The following SMG7 variants were observed in gnomAD, a reference collection of about 807,000 sequenced individuals.
The protein encoded by SMG7 is nonsense-mediated mRNA decay factor SMG7.
SMG7 carries 34 observed loss-of-function variants against 148.2 expected under a neutral mutation model. That is an observed-to-expected ratio of 0.23 (90% CI 0.17 to 0.31). The LOEUF is 0.31. Ranked by LOEUF, SMG7 falls within the 10% of genes least tolerant of loss-of-function variation. The probability of loss-of-function intolerance (pLI) is 1.00; values close to 1 mark genes in which losing one functional copy is unlikely to be tolerated. For missense variants in SMG7, 1,114 were observed against 1,408.4 expected (o/e 0.79, Z 3.35); for synonymous variants, 492 against 515.1 (o/e 0.96, Z 0.61).
At chr1:183,510,700 A>C (rs1326558579) in intron 1 of SMG7, among the ~76,000 whole-genome samples, 1 of 152,072 alleles carries the variant, frequency 6.6e-6, no homozygotes, top group East Asian at 1.9e-4. Context: ...GTTGGTGCAA[A>C]AGTAATCATG....
At chr1:183,497,810 C>G (rs927578318) in intron 1 of SMG7, among the ~76,000 whole-genome samples, 1 of 152,066 alleles carries the variant, frequency 6.6e-6, no homozygotes, top group East Asian at 1.9e-4. Context: ...ACCTCATGAT[C>G]CCACCTGCCT....
At chr1:183,508,380 A>G (rs1285625094) in intron 1 of SMG7, among the ~76,000 whole-genome samples, 1 of 152,016 alleles carries the variant, frequency 6.6e-6, no homozygotes, top group East Asian at 1.9e-4. Flanking sequence ...TTTTGTAGAG[A>G]TGAAGTCTTC....
At chr1:183,498,387 T>C (rs1382069344) in intron 1 of SMG7, among the ~76,000 whole-genome samples, 2 of 152,090 alleles carry the variant, frequency 1.3e-5, no homozygotes, top group Non-Finnish European at 2.9e-5. Context: ...AAATTAGCCA[T>C]CTGTGGTGGC....
intron 8 of SMG7, among the ~76,000 whole-genome samples, chr1:183,530,028 T>A (rs184261169): frequency 6.5e-4 from 99 of 152,260 alleles, no homozygotes; most frequent in African/African-American, 2.3e-3. Context: ...TATTTATATA[T>A]GTGAAAATGA....
intron 1 of SMG7, among the ~76,000 whole-genome samples, chr1:183,497,731 G>A (rs1224856009): frequency 6.6e-6 from 1 of 151,832 alleles, no homozygotes; most frequent in African/African-American, 2.4e-5. Context: ...CACCGTGCCC[G>A]GCTAATTTTT....
At chr1:183,485,359 C>T (rs766501479) in intron 1 of SMG7, among the ~76,000 whole-genome samples, 2 of 152,110 alleles carry the variant, frequency 1.3e-5, no homozygotes, top group Non-Finnish European at 2.9e-5. Flanking sequence ...CTTCCTAATG[C>T]ACTTTTTCTT....
Position 183,545,242 on chromosome 1 carries a change from A to G in SMG7, c.2300A>G (p.Gln767Arg). The G allele has an allele frequency of 1.2e-6, 2 of 1,614,034 alleles. No homozygotes were observed. The highest frequency in any genetic ancestry group is 1.7e-6 in the Non-Finnish European group (2 of 1,180,016). ...CTGCAGGTTCAAGCTCTAACTCAGC[A>G]ACAACAATCCCCTACAAAAGCTGTG... is the stretch of plus-strand genomic sequence containing the variant. ...SQLQVQALTQ[Q>R]QQSPTKAVPA... The change falls in exon 16 of 23, where the codon CAA becomes CGA. Residue 767 changes from glutamine (Q) to arginine (R), a missense_variant. By Grantham distance (43) the Gln-to-Arg change is conservative. Coordinates refer to ENST00000688051, the MANE Select transcript of SMG7 (RefSeq NM_001375584.1).
rs376824632 is a variant in SMG7 at position 183,527,536 on chromosome 1, C to T, written c.485-420C>T. 2.2e-6 allele frequency: 1 copy of T among 447,266 alleles called. No individual in the cohort carries two copies. Among genetic ancestry groups the T allele is most frequent in the East Asian group, 7.1e-5 (1 of 14,076 alleles). 27.7% of individuals were successfully genotyped at this position (447,266 alleles called of 1,614,324 possible). Reference sequence around the variant, plus strand: ...ATTTAATATTGCAATAGGAATGAGACATTTTTCAAAATCACTTTATAAAAT... The same window carrying T: ...ATTTAATATTGCAATAGGAATGAGATATTTTTCAAAATCACTTTATAAAAT... On this transcript the variant is annotated intron_variant, in intron 5 of 22. Transcript: ENST00000688051. The surrounding 1 kb of genome is among the most constrained non-coding windows in gnomAD (Gnocchi z 4.0).
chr1:183,507,851 A>G (rs939057993), intron 1 of SMG7, among the ~76,000 whole-genome samples: 3 of 152,176 alleles, frequency 2.0e-5, no homozygotes, highest in Non-Finnish European at 4.4e-5. Flanking sequence ...TGAATGTTCC[A>G]TATTTTATTC....
At chr1:183,545,474 A>G (rs548378329) in intron 16 of SMG7, among the ~76,000 whole-genome samples, 162 bp downstream of exon 16, 2 of 152,332 alleles carry the variant, frequency 1.3e-5, no homozygotes, top group African/African-American at 4.8e-5. Flanking sequence ...TGAAAGTTCA[A>G]ATGTTTTCCT....
rs147585454 is a variant in SMG7 at position 183,493,814 on chromosome 1, A to G, written c.30-19023A>G. Among the ~76,000 whole-genome samples, 9 of 152,294 alleles carry G rather than the reference A, an allele frequency of 5.9e-5. 1 individual carries two copies. Among genetic ancestry groups the G allele is most frequent in the African/African-American group, 2.2e-4 (9 of 41,564 alleles). ...AGGCTGTTCTCGAATGCCTGACCTC[A>G]GGTGATCTGCCCGCCCTGGCCTCCC... On this transcript the variant is annotated intron_variant, in intron 1 of 22. Transcript: ENST00000688051.
At chr1:183,493,670 C>T (rs1034916530) in intron 1 of SMG7, among the ~76,000 whole-genome samples, 4 of 152,096 alleles carry the variant, frequency 2.6e-5, no homozygotes, top group African/African-American at 7.2e-5. Flanking sequence ...CAACCTCTGC[C>T]GCCCATGTTC....
At chr1:183,497,384 A>C (rs1658742808) in intron 1 of SMG7, among the ~76,000 whole-genome samples, 1 of 152,164 alleles carries the variant, frequency 6.6e-6, no homozygotes, top group Admixed American at 6.5e-5. Flanking sequence ...GTGCTTACAA[A>C]GTCTCAGTGT....
At chr1:183,494,656 A>G (rs1006955935) in intron 1 of SMG7, among the ~76,000 whole-genome samples, 3 of 150,838 alleles carry the variant, frequency 2.0e-5, no homozygotes, top group African/African-American at 7.3e-5. Context: ...TGCTGGGTAT[A>G]AAATTATAGA....
At chr1:183,540,029 G>A (rs1393464875) in intron 12 of SMG7, among the ~76,000 whole-genome samples, 2 of 152,074 alleles carry the variant, frequency 1.3e-5, no homozygotes, top group Non-Finnish European at 2.9e-5. Flanking sequence ...GCTCCTAGTT[G>A]TTCAGCCTTA....
chr1:183,498,166 C>T (rs1476954862), intron 1 of SMG7, among the ~76,000 whole-genome samples: 2 of 152,134 alleles, frequency 1.3e-5, no homozygotes, highest in African/African-American at 2.4e-5. Context: ...ATGTTATCTA[C>T]CTGTTCCAAG....
At position 183,539,512 on chromosome 1, in the gene SMG7, A is replaced by T. The variant is rs147791902; in HGVS notation, c.1295+1072A>T. Among the ~76,000 whole-genome samples, 536 of 152,252 alleles carry T rather than the reference A, an allele frequency of 3.5e-3. 3 individuals carry two copies. Among genetic ancestry groups the T allele is most frequent in the African/African-American group, 0.011 (467 of 41,534 alleles). The stretch of plus-strand genomic sequence containing the variant: ...TCCATCCCTATGTCTCTTGAATGGT[A>T]TGTCCCAAATTTTCAGCTTTGACTT... On this transcript the variant is annotated intron_variant, in intron 12 of 22. Transcript: ENST00000688051.
chr1:183,484,307 A>G (rs979888008), intron 1 of SMG7, among the ~76,000 whole-genome samples: 13 of 151,068 alleles, frequency 8.6e-5, no homozygotes, highest in Admixed American at 2.0e-4. Context: ...TTGTTACACT[A>G]TATTGCTTTT....
At chr1:183,535,545 C>A (rs1667605537) in intron 10 of SMG7, among the ~76,000 whole-genome samples, 1 of 152,062 alleles carries the variant, frequency 6.6e-6, no homozygotes, top group Admixed American at 6.6e-5. Flanking sequence ...TTATAATGTT[C>A]ATTTATATCT....
Sources: gnomAD v4.1 joint callset for allele counts (sites outside exome capture counted in the v4.1 genomes callset) on GRCh38, gnomAD v4.1.1 for gene constraint, Gnocchi (gnomAD v3.1) non-coding constraint, MANE v1.5 for transcripts, NCBI Gene and HGNC (gene_info 2026-07-23, HGNC 2026-07-21) for gene names.